The following CCSER2 variants were observed in gnomAD, a reference collection of about 807,000 sequenced individuals.
CCSER2 encodes coiled-coil serine rich protein 2.
In CCSER2, 46 loss-of-function variants were observed where a neutral mutation model predicts 92.3. The observed-to-expected ratio is 0.50, with a 90% confidence interval of 0.39 to 0.64. CCSER2 has a LOEUF of 0.64. CCSER2 is among the 30% of genes least tolerant of loss of function. The probability of loss-of-function intolerance (pLI) is 0.00; values close to 1 mark genes in which losing one functional copy is unlikely to be tolerated. For missense variants in CCSER2, 1,244 were observed against 1,238.9 expected, an observed-to-expected ratio of 1.00 and a Z score of -0.06; for synonymous variants, 433 against 431.4, an observed-to-expected ratio of 1.00 and a Z score of -0.04.
At position 84,475,239 on chromosome 10, in the gene CCSER2, C is replaced by T. The variant is rs562980556; in HGVS notation, c.2236-2336C>T. Among the ~76,000 whole-genome samples, 383 of 152,232 alleles carry T rather than the reference C, an allele frequency of 2.5e-3. 2 individuals carry two copies. Among genetic ancestry groups the T allele is most frequent in the Non-Finnish European group, 4.4e-3 (302 of 68,010 alleles). On this transcript the variant is annotated intron_variant, in intron 8 of 9. Transcript: ENST00000372088. Reference sequence around the variant, plus strand: ...GTTCAGACTAATTAAGTTCTAGCTCCTTGGGGTAAGAGATTAGGACACATT... The same window carrying T: ...GTTCAGACTAATTAAGTTCTAGCTCTTTGGGGTAAGAGATTAGGACACATT...
chr10:84,391,523 C>T, intron 3 of CCSER2: 1 of 1,509,322 alleles, frequency 6.6e-7, no homozygotes, highest in Non-Finnish European at 9.2e-7. Flanking sequence ...GGGAATCAAC[C>T]CAAATCCAGA....
intron 1 of CCSER2, among the ~76,000 whole-genome samples, chr10:84,351,058 G>C (rs1844830691): frequency 6.6e-6 from 1 of 152,084 alleles, no homozygotes. Context: ...TATAACTGTA[G>C]AACTGTGGGA....
Position 84,513,475 on chromosome 10 carries a change from C to T in CCSER2, c.2352C>T (p.Ser784=). ...IPPQVLQPSS[S]LPRPTDHTQG... ...CTCAAGTACTACAGCCTTCCAGCAGCCTTCCCAGACCCACAGATCACACCC... is the reference window on the plus strand; with the variant it reads ...CTCAAGTACTACAGCCTTCCAGCAGTCTTCCCAGACCCACAGATCACACCC... Residue 784 remains serine (S), a synonymous_variant, in exon 10 of 10, where the codon AGC becomes AGT. Coordinates refer to ENST00000372088, the MANE Select transcript of CCSER2 (RefSeq NM_001284240.2). The T allele has an allele frequency of 6.2e-7, 1 of 1,611,206 alleles. No individual in the cohort carries two copies. Among genetic ancestry groups the T allele is most frequent in the Non-Finnish European group, 8.5e-7 (1 of 1,178,370 alleles).
At chr10:84,397,332 G>C (rs1841899152) in intron 3 of CCSER2, among the ~76,000 whole-genome samples, 1 of 152,070 alleles carries the variant, frequency 6.6e-6, no homozygotes, top group South Asian at 2.1e-4. Flanking sequence ...AAAAAGAAAA[G>C]CTTTTAAAAA....
intron 9 of CCSER2, among the ~76,000 whole-genome samples, chr10:84,507,066 C>T (rs1274364092): frequency 2.0e-5 from 3 of 152,104 alleles, no homozygotes; most frequent in African/African-American, 7.2e-5. Context: ...AGTATTTGTA[C>T]TAACTCGCAA....
chr10:84,342,524 G>GA (rs775915257), intron 1 of CCSER2, among the ~76,000 whole-genome samples: 124 of 152,034 alleles, frequency 8.2e-4, no homozygotes, highest in African/African-American at 1.6e-3. Context: ...TAAAAAGGGG[G>GA]AAAAAAATGT....
At chr10:84,423,005 A>C (rs893120507) in intron 4 of CCSER2, among the ~76,000 whole-genome samples, 4 of 151,978 alleles carry the variant, frequency 2.6e-5, no homozygotes, top group African/African-American at 9.7e-5. Flanking sequence ...CAGTGAGGCA[A>C]GATCATGCCA....
chr10:84,402,225 T>G (rs150311612), intron 3 of CCSER2, among the ~76,000 whole-genome samples: 1 of 152,310 alleles, frequency 6.6e-6, no homozygotes, highest in East Asian at 1.9e-4. Flanking sequence ...CCTGAAGCGA[T>G]CCATGCAAGT....
chr10:84,478,955 C>G (rs1293265127), intron 9 of CCSER2, among the ~76,000 whole-genome samples: 1 of 152,112 alleles, frequency 6.6e-6, no homozygotes, highest in Non-Finnish European at 1.5e-5. Flanking sequence ...AAGACCATGC[C>G]CCTTGCTTCT....
chr10:84,454,757 C>T (rs1027266096), intron 6 of CCSER2: 2 of 166,850 alleles, frequency 1.2e-5, no homozygotes, highest in African/African-American at 4.8e-5. Context: ...ATATCATTAT[C>T]TCCTTCTTCA....
At chr10:84,475,914 C>T (rs1847109869) in intron 8 of CCSER2, among the ~76,000 whole-genome samples, 1 of 151,912 alleles carries the variant, frequency 6.6e-6, no homozygotes, top group Non-Finnish European at 1.5e-5. Context: ...CACACTGTGG[C>T]CTCAACCTCC....
intron 1 of CCSER2, among the ~76,000 whole-genome samples, chr10:84,347,465 C>A (rs543160589): frequency 1.3e-5 from 2 of 149,882 alleles, no homozygotes; most frequent in Admixed American, 1.3e-4. Flanking sequence ...GGGCTGACCC[C>A]CCACCTCCCT....
chr10:84,359,328 A>C (rs1417142404), intron 1 of CCSER2, among the ~76,000 whole-genome samples: 1 of 152,122 alleles, frequency 6.6e-6, no homozygotes, highest in Non-Finnish European at 1.5e-5. Context: ...TGGAATGTAA[A>C]AAATGTTTAG....
intron 3 of CCSER2, among the ~76,000 whole-genome samples, chr10:84,403,790 G>A (rs1052860533): frequency 2.6e-5 from 4 of 152,148 alleles, no homozygotes; most frequent in East Asian, 1.9e-4. Context: ...TGAAAATGCC[G>A]AGAAACAACA....
chr10:84,482,851 TGTGAAAAGGTGCCTACAA>T, intron 9 of CCSER2, among the ~76,000 whole-genome samples: 1 of 152,112 alleles, frequency 6.6e-6, no homozygotes, highest in South Asian at 2.1e-4. Context: ...TCGGTATCAG[TGTGAAAAGGTGCCTACAA>T]GTTAAAATTC....
chr10:84,390,665 T>A (rs1222085275), intron 3 of CCSER2, among the ~76,000 whole-genome samples: 1 of 152,208 alleles, frequency 6.6e-6, no homozygotes, highest in African/African-American at 2.4e-5. Context: ...AATGTTGTTA[T>A]ATGGTGCACG....
At chr10:84,411,923 C>T (rs1452846079) in intron 3 of CCSER2, among the ~76,000 whole-genome samples, 2 of 152,146 alleles carry the variant, frequency 1.3e-5, no homozygotes, top group Non-Finnish European at 2.9e-5. Flanking sequence ...TTTGCCCTTT[C>T]AGTATGATAT....
chr10:84,480,141 C>A (rs923437949), intron 9 of CCSER2, among the ~76,000 whole-genome samples: 1 of 152,104 alleles, frequency 6.6e-6, no homozygotes, highest in Non-Finnish European at 1.5e-5. Context: ...ACCTCCTGGG[C>A]TCAAGTGATC....
intron 5 of CCSER2, among the ~76,000 whole-genome samples, chr10:84,434,011 C>G (rs904363739): frequency 6.6e-5 from 10 of 152,218 alleles, no homozygotes; most frequent in Non-Finnish European, 1.3e-4. Flanking sequence ...CATGCCACAG[C>G]AGCTTTGCAG....
Sources: gnomAD v4.1 joint callset for allele counts (sites outside exome capture counted in the v4.1 genomes callset) on GRCh38, gnomAD v4.1.1 for gene constraint, MANE v1.5 for transcripts, NCBI Gene and HGNC (gene_info 2026-07-23, HGNC 2026-07-21) for gene names.